Variants in CHEK1 observed in about 807,000 individuals in gnomAD.
CHEK1 encodes checkpoint kinase 1, also known as serine/threonine-protein kinase Chk1.
Under a neutral mutation model 60.2 loss-of-function variants are expected in CHEK1, and 32 were observed. The observed-to-expected ratio is 0.53, with a 90% CI of 0.40 to 0.71. CHEK1 has a LOEUF of 0.71. Ranked by LOEUF, CHEK1 falls within the 30% of genes least tolerant of loss-of-function variation. The pLI, the probability that CHEK1 is intolerant of heterozygous loss-of-function variation, is 0.00. For missense variants in CHEK1, 399 were observed against 564.6 expected (o/e 0.71, Z 2.97); for synonymous variants, 179 against 187.2 (o/e 0.96, Z 0.36).
chr11:125,627,517 G>T, intron 2 of CHEK1, 90 bp from the exon 3 acceptor site: 1 of 1,051,464 alleles, frequency 9.5e-7, no homozygotes, highest in Non-Finnish European at 1.4e-6. Flanking sequence ...AAGTAATAGA[G>T]GTAAAATCGT....
intron 8 of CHEK1, among the ~76,000 whole-genome samples, chr11:125,642,692 GGCTC>G (rs1409452229): frequency 6.6e-6 from 1 of 152,144 alleles, no homozygotes; most frequent in East Asian, 1.9e-4. Context: ...GAAGGGTATG[GGCTC>G]CAGAGCACAA....
Position 125,655,086 on chromosome 11 carries a change from CAG to C in CHEK1, c.1336-137_1336-136del, listed in dbSNP as rs1941865192. On this transcript the variant is annotated intron_variant, in intron 12 of 12. Transcript: ENST00000438015. Reference sequence around the variant, plus strand: ...TTCCAGGATATTTGGTCTTCATAAACAGACCGAAAAGAAAATGGTAGCTAGAC... The same window carrying C: ...TTCCAGGATATTTGGTCTTCATAAACACCGAAAAGAAAATGGTAGCTAGAC... 9 of 622,508 alleles carry C rather than the reference CAG, an allele frequency of 1.4e-5. No homozygotes were observed. In the South Asian group the frequency reaches 1.8e-4, roughly 13 times the overall value. 38.6% of individuals were successfully genotyped at this position (622,508 alleles called of 1,614,324 possible).
At chr11:125,635,362 T>C in intron 6 of CHEK1, 67 bp from the exon 7 acceptor site, 1 of 984,672 alleles carries the variant, frequency 1.0e-6, no homozygotes, top group Non-Finnish European at 1.5e-6. Context: ...GGATTTATAT[T>C]ATTATTTTTC....
downstream of CHEK1, among the ~76,000 whole-genome samples, chr11:125,678,954 TAAA>T (rs1171041691): frequency 1.2e-5 from 1 of 83,026 alleles, no homozygotes; most frequent in Non-Finnish European, 2.6e-5. Context: ...GCTATTAAGG[TAAA>T]AAAAAAAAAG....
downstream of CHEK1, chr11:125,676,464 A>T (rs1271514479): frequency 6.2e-6 from 10 of 1,614,054 alleles, no homozygotes; most frequent in Middle Eastern, 1.6e-4. Context: ...CATGTGTAGC[A>T]ATTTAATATT....
rs1044588128 is a variant in CHEK1 at position 125,625,503 on chromosome 11, G to A, written c.-530G>A. On this transcript the variant is annotated 5_prime_UTR_variant, in exon 1 of 13. Coordinates refer to ENST00000438015, the MANE Select transcript of CHEK1 (RefSeq NM_001114122.3). ...AGCACCACGAGTACCGCACTCTGAG[G>A]TTTACAAAGCACTCTGCTTCACCGA... The A allele has an allele frequency of 4.4e-6, 2 of 453,758 alleles. No individual in the cohort carries two copies. Among genetic ancestry groups the A allele is most frequent in the African/African-American group, 1.9e-5 (1 of 51,348 alleles). 28.1% of individuals were successfully genotyped at this position (453,758 alleles called of 1,614,324 possible).
intron 8 of CHEK1, among the ~76,000 whole-genome samples, chr11:125,638,230 G>A (rs759425708): frequency 6.6e-5 from 10 of 152,122 alleles, no homozygotes; most frequent in Non-Finnish European, 1.3e-4. Flanking sequence ...ATATTTCTCT[G>A]ACTTCCTTAT....
At chr11:125,631,960 G>A (rs963471724) in intron 5 of CHEK1, among the ~76,000 whole-genome samples, 5 of 146,984 alleles carry the variant, frequency 3.4e-5, no homozygotes, top group African/African-American at 1.2e-4. Flanking sequence ...TTGTGTGAAT[G>A]TACTTGATTT....
At chr11:125,629,343 A>G in intron 4 of CHEK1, 47 bp downstream of exon 4, 1 of 1,611,442 alleles carries the variant, frequency 6.2e-7, no homozygotes, top group Non-Finnish European at 8.5e-7. Flanking sequence ...TAGAGTGAAT[A>G]CATTACATTA....
In CHEK1 at chr11:125,629,300, G is replaced by T; in HGVS notation, c.354+4G>T. ...CCATCAACTCATGGCAGGGGTGGTA[G>T]GTATAGTTGTCTATTTCCCTTTTAC... On this transcript the variant is annotated splice_donor_region_variant and intron_variant, in intron 4 of 12. Transcript: ENST00000438015. 6.2e-7 allele frequency: 1 copy of T among 1,613,992 alleles called. No homozygotes were observed. Among genetic ancestry groups the T allele is most frequent in the African/African-American group, 1.3e-5 (1 of 75,008 alleles).
intron 11 of CHEK1, among the ~76,000 whole-genome samples, chr11:125,647,123 GTT>G (rs1177717375): frequency 6.6e-6 from 1 of 152,096 alleles, no homozygotes; most frequent in Non-Finnish European, 1.5e-5. Flanking sequence ...CAGTCTTAAA[GTT>G]TAGCTCTTAT....
At chr11:125,650,175 T>G (rs192548570) in intron 11 of CHEK1, among the ~76,000 whole-genome samples, 1 of 152,094 alleles carries the variant, frequency 6.6e-6, no homozygotes, top group African/African-American at 2.4e-5. Flanking sequence ...CTCCTCTCCC[T>G]CTTGGACTCA....
chr11:125,664,148 T>C (rs1354532715), intron 13 of CHEK1, among the ~76,000 whole-genome samples: 4 of 152,084 alleles, frequency 2.6e-5, no homozygotes, highest in Admixed American at 1.3e-4. Flanking sequence ...TCCAGGATAA[T>C]AGCCATTTTA....
downstream of CHEK1, chr11:125,676,300 T>C: frequency 1.9e-6 from 3 of 1,597,880 alleles, no homozygotes; most frequent in Non-Finnish European, 2.6e-6. Flanking sequence ...AACTGCCCCC[T>C]ACCAGAAGTA....
Position 125,630,588 on chromosome 11 carries a change from G to C in CHEK1, c.424+1128G>C, listed in dbSNP as rs1373407815. Among the ~76,000 whole-genome samples the C allele has an allele frequency of 4.6e-5, 7 of 152,048 alleles. No homozygotes were observed. The South Asian group carries it at 1.5e-3, about 32-fold the overall frequency. On this transcript the variant is annotated intron_variant, in intron 5 of 12. Coordinates refer to ENST00000438015, the MANE Select transcript of CHEK1 (RefSeq NM_001114122.3). The stretch of plus-strand genomic sequence containing the variant: ...GGCCTCCCAGAGTGCTGGGATTATA[G>C]GTGTGAGCCGCTGTACCCAGCCTAT...
chr11:125,626,013 G>A lies in CHEK1; in HGVS notation c.-21+1G>A, dbSNP rs1565360078. 7.2e-6 allele frequency: 5 copies of A among 697,152 alleles called. No individual in the cohort carries two copies. The highest frequency in any genetic ancestry group is 2.0e-5 in the Admixed American group (1 of 49,926). The allele number at this position is 697,152 out of a possible 1,614,324, so 43.2% of individuals were successfully genotyped here. ...GCAGTGGTGGGCAAAGGACAGTCCG[G>A]TGAGGAAGGGCGGCCGGTAGAGTAG... On this transcript the variant is annotated splice_donor_variant, in intron 1 of 12. Coordinates refer to ENST00000438015, the MANE Select transcript of CHEK1 (RefSeq NM_001114122.3). LOFTEE classifies it low-confidence loss of function (5UTR_SPLICE).
At chr11:125,672,720 G>A (rs1186494664) in intron 13 of CHEK1, 1 of 1,614,020 alleles carries the variant, frequency 6.2e-7, no homozygotes, top group Admixed American at 1.7e-5. Flanking sequence ...TTTTCCACCT[G>A]AAAGGAGCAG....
chr11:125,681,028 G>T (rs890119297), downstream of CHEK1: 5 of 369,308 alleles, frequency 1.4e-5, no homozygotes, highest in Non-Finnish European at 2.4e-5. The surrounding 1 kb of genome is among the most constrained non-coding windows in gnomAD (Gnocchi z 4.2). Flanking sequence ...TTTTCTGTGT[G>T]CAGGGTAGTG....
Position 125,626,739 on chromosome 11 carries a change from C to G in CHEK1, c.-20-10C>G. On this transcript the variant is annotated splice_polypyrimidine_tract_variant and intron_variant, in intron 1 of 12. Coordinates refer to ENST00000438015, the MANE Select transcript of CHEK1 (RefSeq NM_001114122.3). ...ACTCTACATCTTTTCTGGATTCCTG[C>G]CTTTTACAGCCGAGGTGCTCGGTGG... is the stretch of plus-strand genomic sequence containing the variant. 3.7e-6 allele frequency: 6 copies of G among 1,613,422 alleles called. No homozygotes were observed. The highest frequency in any genetic ancestry group is 5.1e-6 in the Non-Finnish European group (6 of 1,179,442).
Sources: gnomAD v4.1 joint callset for allele counts (sites outside exome capture counted in the v4.1 genomes callset) on GRCh38, gnomAD v4.1.1 for gene constraint, Gnocchi (gnomAD v3.1) non-coding constraint, MANE v1.5 for transcripts, NCBI Gene and HGNC (gene_info 2026-07-23, HGNC 2026-07-21) for gene names.